The following ATP5PO variants were observed in gnomAD, a reference collection of about 807,000 sequenced individuals.
ATP5PO encodes the protein ATP synthase peripheral stalk subunit OSCP.
In ATP5PO, 14 loss-of-function variants were observed where a neutral mutation model predicts 26.2. That is an observed-to-expected ratio of 0.53 (90% confidence interval 0.35 to 0.83). The LOEUF (loss-of-function observed/expected upper bound fraction) is 0.83, where lower values mean the gene tolerates loss of function less well. ATP5PO is among the 40% of genes least tolerant of loss of function. The probability of loss-of-function intolerance (pLI) is 0.01; values close to 1 mark genes in which losing one functional copy is unlikely to be tolerated. For synonymous variants in ATP5PO, 106 were observed against 95.1 expected (o/e 1.12, Z -0.67); for missense variants, 241 against 258.5 (o/e 0.93, Z 0.46).
rs1247271502 is a variant in ATP5PO at position 33,914,758 on chromosome 21, C to T, written c.37-258G>A. The T allele has an allele frequency of 2.8e-5, 12 of 422,460 alleles. No homozygotes were observed. In the Admixed American group the frequency reaches 5.0e-4, roughly 18 times the overall value. The allele number at this position is 422,460 out of a possible 1,614,324, so 26.2% of individuals were successfully genotyped here. On this transcript the variant is annotated intron_variant, in intron 1 of 6. Transcript: ENST00000290299. Reference sequence around the variant, plus strand: ...CTAGGAATGGACCGAGGCTAGCATACCCGTAAGACAGAAAAACACTAACTT... The same window carrying T: ...CTAGGAATGGACCGAGGCTAGCATATCCGTAAGACAGAAAAACACTAACTT...
In ATP5PO at chr21:33,907,432, C is replaced by A; in HGVS notation, c.350G>T (p.Arg117Leu). ...NLINLLAENG[R>L]LSNTQGVVSA... is the part of the protein sequence containing the mutation. ...AACGACTCCTTGGGTATTGCTTAAT[C>A]GACCATTTTCAGCAAGCAAATCTGC... Residue 117 changes from arginine to leucine, a missense_variant, in exon 5 of 7, where the codon CGA becomes CTA. Transcript: ENST00000290299. 1 of 1,614,044 alleles carries A rather than the reference C, an allele frequency of 6.2e-7. No individual in the cohort carries two copies. The highest frequency in any genetic ancestry group is 8.5e-7 in the Non-Finnish European group (1 of 1,179,974).
At chr21:33,906,859 G>A (rs1040806602) in intron 5 of ATP5PO, 3 of 437,048 alleles carry the variant, frequency 6.9e-6, no homozygotes, top group South Asian at 3.3e-5. Flanking sequence ...GGTGTGGTGG[G>A]GGTGCACTGT....
intron 2 of ATP5PO, among the ~76,000 whole-genome samples, chr21:33,913,460 G>C (rs922765580): frequency 6.6e-6 from 1 of 152,128 alleles, no homozygotes; most frequent in Non-Finnish European, 1.5e-5. Context: ...TATCACACAG[G>C]AACTTTCTTT....
rs115284249 is a variant in ATP5PO at position 33,908,727 on chromosome 21, C to T, written c.328+355G>A. ...CTGTCTCAAAAAGAGAAAAGCAGTC[C>T]AAATGTACCCAAGAATGCAAATGTA... On this transcript the variant is annotated intron_variant, in intron 4 of 6. Coordinates refer to ENST00000290299, the MANE Select transcript of ATP5PO (RefSeq NM_001697.3). 5.7e-3 allele frequency: 961 copies of T among 170,030 alleles called. 6 individuals carry two copies. The highest frequency in any genetic ancestry group is 0.022 in the African/African-American group (918 of 42,360). The allele number at this position is 170,030 out of a possible 1,614,324, so 10.5% of individuals were successfully genotyped here.
chr21:33,903,838 G>T, intron 6 of ATP5PO, 97 bp downstream of exon 6: 1 of 1,185,186 alleles, frequency 8.4e-7, no homozygotes, highest in Non-Finnish European at 1.2e-6. Context: ...AGAAAAATTA[G>T]TATAGAGTTA....
In ATP5PO at chr21:33,903,920, T is replaced by C; in HGVS notation, c.528+15A>G. 6.3e-7 allele frequency: 1 copy of C among 1,586,514 alleles called. No individual in the cohort carries two copies. The highest frequency in any genetic ancestry group is 8.6e-7 in the Non-Finnish European group (1 of 1,163,348). On this transcript the variant is annotated intron_variant, in intron 6 of 6. Coordinates refer to ENST00000290299, the MANE Select transcript of ATP5PO (RefSeq NM_001697.3). ...ATAACCCGAGAAAACGTACCATAAA[T>C]AATTTAAAACCTACCTTAGCCTCCA... is the stretch of plus-strand genomic sequence containing the variant.
intron 1 of ATP5PO, 157 bp from the exon 2 acceptor site, chr21:33,914,657 C>T: frequency 1.6e-6 from 1 of 634,958 alleles, no homozygotes; most frequent in South Asian, 2.2e-5. Flanking sequence ...CTTACTATTA[C>T]TAAGGGGTAA....
chr21:33,907,704 T>C (rs1987191865), intron 4 of ATP5PO, among the ~76,000 whole-genome samples: 2 of 152,212 alleles, frequency 1.3e-5, no homozygotes, highest in African/African-American at 4.8e-5. Flanking sequence ...TGCATGTCTA[T>C]AGTCCCAGCT....
At chr21:33,904,108 C>T (rs1987138435) in intron 5 of ATP5PO, 87 bp from the exon 6 acceptor site, 6 of 1,194,204 alleles carry the variant, frequency 5.0e-6, no homozygotes, top group Non-Finnish European at 7.1e-6. Flanking sequence ...ATCACCAAGA[C>T]AGGCCTTGTG....
chr21:33,905,798 G>A (rs117075106), intron 5 of ATP5PO, among the ~76,000 whole-genome samples: 1 of 151,648 alleles, frequency 6.6e-6, no homozygotes, highest in Non-Finnish European at 1.5e-5. Context: ...CTGTAGTCCA[G>A]CTACTTGGGA....
intron 1 of ATP5PO, 59 bp downstream of exon 1, chr21:33,915,669 G>A (rs1358982913): frequency 3.2e-6 from 5 of 1,543,422 alleles, no homozygotes; most frequent in Middle Eastern, 1.7e-4. Context: ...CTCGAGGTTT[G>A]GTACCGGTCA....
intron 3 of ATP5PO, among the ~76,000 whole-genome samples, chr21:33,911,389 C>T (rs1336812407): frequency 6.6e-6 from 1 of 152,142 alleles, no homozygotes; most frequent in East Asian, 1.9e-4. Flanking sequence ...CCCAGCGCGC[C>T]CCACCCTGTT....
At chr21:33,907,508 T>C (rs1321950641) in intron 4 of ATP5PO, 55 bp from the exon 5 acceptor site, 3 of 1,465,792 alleles carry the variant, frequency 2.0e-6, no homozygotes, top group African/African-American at 2.8e-5. Flanking sequence ...AAGTTATTCA[T>C]GAAGTTGTAT....
In ATP5PO at chr21:33,914,357, G is replaced by C. The variant is rs867310940; in HGVS notation, c.87+93C>G. 12 of 1,276,304 alleles carry C rather than the reference G, an allele frequency of 9.4e-6. 1 individual carries two copies. In the Middle Eastern group the frequency reaches 2.0e-3, roughly 218 times the overall value. The allele number at this position is 1,276,304 out of a possible 1,614,324, so 79.1% of individuals were successfully genotyped here. Reference sequence around the variant, plus strand: ...CAAGTCACGCAAAAAGGTTTAGATAGTAACTACACAAAAATCCACGCCCTG... The same window carrying C: ...CAAGTCACGCAAAAAGGTTTAGATACTAACTACACAAAAATCCACGCCCTG... On this transcript the variant is annotated intron_variant, in intron 2 of 6. Coordinates refer to ENST00000290299, the MANE Select transcript of ATP5PO (RefSeq NM_001697.3).
In ATP5PO at chr21:33,904,035, C is replaced by T; in HGVS notation, c.442-14G>A. 4 of 1,596,654 alleles carry T rather than the reference C, an allele frequency of 2.5e-6. No homozygotes were observed. Among genetic ancestry groups the T allele is most frequent in the Non-Finnish European group, 3.4e-6 (4 of 1,169,464 alleles). ...TTCTTCTAAAGGCTGAAAGGCAAAA[C>T]CATCCTTTCAATTTAGATAAAGCAA... On this transcript the variant is annotated splice_polypyrimidine_tract_variant and intron_variant, in intron 5 of 6. Coordinates refer to ENST00000290299, the MANE Select transcript of ATP5PO (RefSeq NM_001697.3).
chr21:33,907,186 G>A (rs989391838), intron 5 of ATP5PO, 155 bp downstream of exon 5: 7 of 645,712 alleles, frequency 1.1e-5, no homozygotes, highest in Non-Finnish European at 1.6e-5. Flanking sequence ...CAAAGCAAAG[G>A]GTCACAGAAG....
intron 6 of ATP5PO, 23 bp downstream of exon 6, chr21:33,903,912 A>G: frequency 1.3e-6 from 2 of 1,571,910 alleles, no homozygotes; most frequent in Non-Finnish European, 1.7e-6. Flanking sequence ...GAGAAAACGT[A>G]CCATAAATAA....
intron 2 of ATP5PO, among the ~76,000 whole-genome samples, chr21:33,913,392 T>C (rs1987273828): frequency 6.6e-6 from 1 of 152,186 alleles, no homozygotes; most frequent in African/African-American, 2.4e-5. Context: ...GTGGGTAGTA[T>C]AGTCTGCCCA....
chr21:33,912,078 T>C lies in ATP5PO; in HGVS notation c.198+211A>G, dbSNP rs149969372. On this transcript the variant is annotated intron_variant, in intron 3 of 6. Transcript: ENST00000290299. Reference sequence around the variant, plus strand: ...CCTTTTCTTAGCCCCTAATCTTGGTTCCTAATATTAATATCCTTATATGTA... The same window carrying C: ...CCTTTTCTTAGCCCCTAATCTTGGTCCCTAATATTAATATCCTTATATGTA... Among the ~76,000 whole-genome samples the C allele has an allele frequency of 1.2e-3, 187 of 152,328 alleles. 5 individuals carry two copies. In the East Asian group the frequency reaches 0.032, roughly 26 times the overall value.
Sources: allele counts gnomAD v4.1 joint callset (sites outside exome capture counted in the v4.1 genomes callset), GRCh38; gene constraint gnomAD v4.1.1; transcripts MANE v1.5; gene names NCBI Gene and HGNC (gene_info 2026-07-23, HGNC 2026-07-21).